Variants in SYNJ2 observed in about 807,000 individuals in gnomAD.
SYNJ2 encodes the protein synaptojanin 2.
A neutral mutation model predicts 141.3 loss-of-function variants in SYNJ2; 116 were observed. The observed-to-expected ratio is 0.82, with a 90% CI of 0.71 to 0.96. The LOEUF is 0.96. Ranked by LOEUF, SYNJ2 falls within the 40% of genes least tolerant of loss-of-function variation. The pLI is 0.00. For synonymous variants in SYNJ2, 745 were observed against 777.7 expected (o/e 0.96, Z 0.70); for missense variants, 1,873 against 1,934.8 (o/e 0.97, Z 0.60).
Position 158,043,818 on chromosome 6 carries a change from C to T in SYNJ2, c.795+419C>T, listed in dbSNP as rs1459165032. On this transcript the variant is annotated intron_variant, in intron 5 of 26. Transcript: ENST00000355585. The surrounding 1 kb of genome is among the most constrained non-coding windows in gnomAD (Gnocchi z 4.0). ...GCTCTGTGGCTGCGTAGGTCTGGCA[C>T]CCGGTGCTGCCTGTTGTGGGGCCAC... 6.6e-6 allele frequency among the ~76,000 whole-genome samples: 1 copy of T among 152,174 alleles called. No individual in the cohort carries two copies. The highest frequency in any genetic ancestry group is 1.5e-5 in the Non-Finnish European group (1 of 68,020).
At chr6:158,080,487 A>T (rs1461996779) in intron 18 of SYNJ2, among the ~76,000 whole-genome samples, 17 of 150,322 alleles carry the variant, frequency 1.1e-4, no homozygotes, top group Non-Finnish European at 2.2e-4. Flanking sequence ...AATAAAAAAA[A>T]AAAAAAAAAC....
At chr6:158,059,557 T>A in intron 7 of SYNJ2, 1 of 132,438 alleles carries the variant, frequency 7.6e-6, no homozygotes, top group Non-Finnish European at 1.4e-5. Context: ...ATTTCTTTTC[T>A]TTTTTTTTTT....
chr6:158,014,403 A>G (rs1778372885), intron 1 of SYNJ2, among the ~76,000 whole-genome samples: 1 of 152,262 alleles, frequency 6.6e-6, no homozygotes, highest in Admixed American at 6.5e-5. Flanking sequence ...GTATTGATTG[A>G]TTGACAAAAA....
rs1474455887 is a variant in SYNJ2 at position 158,097,999 on chromosome 6, A to G, written c.*1635A>G. The G allele has an allele frequency of 1.3e-5, 2 of 152,258 alleles. No individual in the cohort carries two copies. Among genetic ancestry groups the G allele is most frequent in the African/African-American group, 4.8e-5 (2 of 41,470 alleles). The allele number at this position is 152,258 out of a possible 1,614,324, so 9.4% of individuals were successfully genotyped here. A position where few individuals can be genotyped will look rare whatever the true frequency, so the allele number is the denominator to read the frequency against. Reference sequence around the variant, plus strand: ...TCTGTAACAAACACAAGAAATAAACAGAATGGTCCTTAACAGAGTTTGGGG... The same window carrying G: ...TCTGTAACAAACACAAGAAATAAACGGAATGGTCCTTAACAGAGTTTGGGG... On this transcript the variant is annotated 3_prime_UTR_variant, in exon 27 of 27. Coordinates refer to ENST00000355585, the MANE Select transcript of SYNJ2 (RefSeq NM_003898.4).
intron 1 of SYNJ2, among the ~76,000 whole-genome samples, chr6:157,989,466 A>ATATATATG (rs1554228206): frequency 7.6e-6 from 1 of 131,076 alleles, no homozygotes; most frequent in Non-Finnish European, 1.6e-5. Flanking sequence ...ATATATATAT[A>ATATATATG]TGGAAAAAGA....
At chr6:158,029,059 C>T in intron 3 of SYNJ2, 33 bp downstream of exon 3, 1 of 1,607,604 alleles carries the variant, frequency 6.2e-7, no homozygotes, top group South Asian at 1.1e-5. Flanking sequence ...GAGGGTGGGC[C>T]CTGGGTCTCC....
At chr6:158,060,761 A>G (rs1054208062) in intron 7 of SYNJ2, among the ~76,000 whole-genome samples, 2 of 152,210 alleles carry the variant, frequency 1.3e-5, no homozygotes. Context: ...CTTTTCCCCT[A>G]TGCCTTGAGT....
chr6:158,071,714 C>T lies in SYNJ2; in HGVS notation c.2053C>T (p.His685Tyr). The change falls in exon 15 of 27, where the codon CAC (histidine) becomes TAC (tyrosine). Residue 685 changes from histidine to tyrosine, a missense_variant. His to Tyr is a moderately conservative substitution (Grantham distance 83, BLOSUM62 2). Coordinates refer to ENST00000355585, the MANE Select transcript of SYNJ2 (RefSeq NM_003898.4). This position sits in a 1 kb window ranked among gnomAD's most constrained non-coding sequence, Gnocchi z 4.3. ...CACCAGCTTCTGCTTCATATGTAGTCACCTGACGGCCGGGCAGTCCCAGGT... is the reference window on the plus strand; with the variant it reads ...CACCAGCTTCTGCTTCATATGTAGTTACCTGACGGCCGGGCAGTCCCAGGT... ...HSTSFCFICSHLTAGQSQVKE... is the reference protein window; with the variant it reads ...HSTSFCFICSYLTAGQSQVKE... The T allele has an allele frequency of 1.9e-6, 3 of 1,614,094 alleles. No homozygotes were observed. Among genetic ancestry groups the T allele is most frequent in the Non-Finnish European group, 2.5e-6 (3 of 1,180,038 alleles).
Position 158,097,753 on chromosome 6 carries a change from G to A in SYNJ2, c.*1389G>A, listed in dbSNP as rs1269491734. On this transcript the variant is annotated 3_prime_UTR_variant, in exon 27 of 27. Coordinates refer to ENST00000355585, the MANE Select transcript of SYNJ2 (RefSeq NM_003898.4). ...AATTAGTTTTCATTGTCACTGTCAAGATATATTGCAGATTACTTAAATATG... is the reference window on the plus strand; with the variant it reads ...AATTAGTTTTCATTGTCACTGTCAAAATATATTGCAGATTACTTAAATATG... 6.6e-6 allele frequency: 1 copy of A among 151,500 alleles called. No individual in the cohort carries two copies. The highest frequency in any genetic ancestry group is 1.5e-5 in the Non-Finnish European group (1 of 67,972). 9.4% of individuals were successfully genotyped at this position (151,500 alleles called of 1,614,324 possible).
intron 2 of SYNJ2, among the ~76,000 whole-genome samples, chr6:158,023,500 C>T (rs1410007960): frequency 6.6e-6 from 1 of 152,092 alleles, no homozygotes; most frequent in Admixed American, 6.5e-5. Context: ...GTGGTTACAC[C>T]CGTCCCACCA....
chr6:158,072,152 A>C (rs1486521451), intron 15 of SYNJ2, among the ~76,000 whole-genome samples: 1 of 152,196 alleles, frequency 6.6e-6, no homozygotes, highest in East Asian at 1.9e-4. Context: ...AGAGCATTTG[A>C]ATCCACACAG....
intron 7 of SYNJ2, among the ~76,000 whole-genome samples, chr6:158,059,781 C>T (rs1261506190): frequency 6.6e-6 from 1 of 152,202 alleles, no homozygotes; most frequent in Non-Finnish European, 1.5e-5. Flanking sequence ...TCAAGAACTC[C>T]TGACCTCAGG....
chr6:158,028,648 C>A, intron 2 of SYNJ2, 108 bp from the exon 3 acceptor site: 1 of 1,447,586 alleles, frequency 6.9e-7, no homozygotes, highest in South Asian at 1.3e-5. Context: ...GGTGCACAGA[C>A]GTTGCCTTCC....
At chr6:158,057,050 C>G (rs965134049) in intron 6 of SYNJ2, among the ~76,000 whole-genome samples, 17 of 151,954 alleles carry the variant, frequency 1.1e-4, no homozygotes, top group Non-Finnish European at 2.1e-4. Context: ...ACAGTGAACC[C>G]CTTCTCCTTC....
intron 22 of SYNJ2, among the ~76,000 whole-genome samples, chr6:158,085,689 T>C (rs1036679164): frequency 4.6e-5 from 7 of 152,196 alleles, no homozygotes; most frequent in Non-Finnish European, 7.4e-5. Context: ...TTTAAACTTA[T>C]GGATTTTTGA....
chr6:158,038,341 C>T (rs542821649), intron 4 of SYNJ2, among the ~76,000 whole-genome samples: 158 of 152,310 alleles, frequency 1.0e-3, no homozygotes, highest in African/African-American at 3.7e-3. Flanking sequence ...GACAGCTGGG[C>T]ACCACCACCT....
chr6:158,017,167 G>A (rs779016134), intron 1 of SYNJ2, 37 bp from the exon 2 acceptor site: 8 of 1,605,740 alleles, frequency 5.0e-6, no homozygotes, highest in African/African-American at 4.0e-5. Flanking sequence ...AGCAGGAGAC[G>A]CTCGCTGATG....
upstream of SYNJ2, chr6:157,981,811 A>C (rs1777020821): frequency 1.5e-5 from 9 of 615,064 alleles, no homozygotes; most frequent in Non-Finnish European, 1.4e-5. The surrounding 1 kb of genome is among the most constrained non-coding windows in gnomAD (Gnocchi z 6.4). Context: ...AGGAGGAGGA[A>C]GGGGAGGAGG....
At position 158,076,680 on chromosome 6, in the gene SYNJ2, G is replaced by A; in HGVS notation, c.2347G>A (p.Asp783Asn). Residue 783 changes from aspartate to asparagine, a missense_variant, in exon 17 of 27, where the codon GAC becomes AAC. By Grantham distance (23) the Asp-to-Asn change is conservative. Transcript: ENST00000355585. ...TAACTTTGGACCCACCTACAAGTATGACGTTGGCTCAGCCGCCTACGATAC... is the reference window on the plus strand; with the variant it reads ...TAACTTTGGACCCACCTACAAGTATAACGTTGGCTCAGCCGCCTACGATAC... Reference protein sequence around the residue: ...AINFGPTYKYDVGSAAYDTSD... With the variant: ...AINFGPTYKYNVGSAAYDTSD... 1 of 1,614,198 alleles carries A rather than the reference G, an allele frequency of 6.2e-7. No individual in the cohort carries two copies. The highest frequency in any genetic ancestry group is 8.5e-7 in the Non-Finnish European group (1 of 1,180,036).
Sources: gnomAD v4.1 joint callset for allele counts (sites outside exome capture counted in the v4.1 genomes callset) on GRCh38, gnomAD v4.1.1 for gene constraint, Gnocchi (gnomAD v3.1) non-coding constraint, MANE v1.5 for transcripts, NCBI Gene and HGNC (gene_info 2026-07-23, HGNC 2026-07-21) for gene names.